Variants in LPCAT2 observed in about 807,000 individuals in gnomAD.
The protein encoded by LPCAT2 is lysophosphatidylcholine acyltransferase 2, also known as 1-AGP acyltransferase 11.
Under a neutral mutation model 64.7 loss-of-function variants are expected in LPCAT2, and 58 were observed. The observed-to-expected ratio is 0.90, with a 90% CI of 0.73 to 1.12. The LOEUF is 1.12. Among genes scored for constraint, LPCAT2 ranks in the 50% most tolerant of loss-of-function variants. LPCAT2 has a pLI of 0.00. For missense variants in LPCAT2, 579 were observed against 669.8 expected, an observed-to-expected ratio of 0.86 and a Z score of 1.50; for synonymous variants, 252 against 245.3, an observed-to-expected ratio of 1.03 and a Z score of -0.26.
intron 4 of LPCAT2, among the ~76,000 whole-genome samples, chr16:55,530,496 G>C (rs837551): frequency 1.1e-4 from 17 of 150,972 alleles, no homozygotes; most frequent in African/African-American, 2.7e-4. Flanking sequence ...CGGGGGTGGG[G>C]GGGGGGTAAC....
intron 11 of LPCAT2, chr16:55,567,013 CACAGCT>C: frequency 6.2e-7 from 1 of 1,613,908 alleles, no homozygotes. Context: ...CAACAATTTA[CACAGCT>C]GGCTGGACCA....
In LPCAT2 at chr16:55,509,214, G is replaced by C. The variant is rs1486135159; in HGVS notation, c.33G>C (p.Ala11=). MSRCAQAAEV[A]ATVPGAGVGN... The stretch of plus-strand genomic sequence containing the variant: ...GGTGCGCCCAGGCGGCGGAAGTGGC[G>C]GCCACAGTGCCAGGTGCCGGCGTCG... The change falls in exon 1 of 14, where the codon GCG becomes GCC. Residue 11 remains alanine, a synonymous_variant. Transcript: ENST00000262134. 3.5e-6 allele frequency: 5 copies of C among 1,424,860 alleles called. No individual in the cohort carries two copies. The highest frequency in any genetic ancestry group is 3.7e-6 in the Non-Finnish European group (4 of 1,082,856). 88.3% of individuals were successfully genotyped at this position (1,424,860 alleles called of 1,614,324 possible). A position where few individuals can be genotyped will look rare whatever the true frequency, so the allele number is the denominator to read the frequency against.
intron 8 of LPCAT2, chr16:55,541,290 TG>T (rs1168136128): frequency 1.3e-5 from 2 of 152,126 alleles, no homozygotes; most frequent in Admixed American, 6.6e-5. Flanking sequence ...TAGAAAGGTT[TG>T]TTTTTTTAAT....
chr16:55,516,350 C>G (rs1963011499), intron 1 of LPCAT2, among the ~76,000 whole-genome samples: 1 of 152,218 alleles, frequency 6.6e-6, no homozygotes, highest in African/African-American at 2.4e-5. Context: ...AGCAGTCTTT[C>G]CACCTTGGCT....
intron 1 of LPCAT2, among the ~76,000 whole-genome samples, chr16:55,519,610 A>G (rs1963066066): frequency 6.6e-6 from 1 of 152,088 alleles, no homozygotes; most frequent in African/African-American, 2.4e-5. Flanking sequence ...AGGAATGAAG[A>G]GCACTGGAAA....
At chr16:55,533,406 G>GTTTTTTTTTTTTTTTTTTT (rs11335464) in intron 6 of LPCAT2, among the ~76,000 whole-genome samples, 1 of 96,444 alleles carries the variant, frequency 1.0e-5, no homozygotes, top group Non-Finnish European at 2.0e-5. Context: ...TGTTTTTCGG[G>GTTTTTTTTTTTTTTTTTTT]TTTTTTTTTT....
chr16:55,547,404 G>T (rs961126302), intron 9 of LPCAT2, among the ~76,000 whole-genome samples: 1 of 152,166 alleles, frequency 6.6e-6, no homozygotes, highest in African/African-American at 2.4e-5. Context: ...TCATGGTTTT[G>T]ATTATTAGGA....
intron 2 of LPCAT2, among the ~76,000 whole-genome samples, chr16:55,527,694 TA>T (rs1423473782): frequency 2.0e-5 from 3 of 152,154 alleles, no homozygotes; most frequent in African/African-American, 7.2e-5. Flanking sequence ...AACTAATCTA[TA>T]ATGGCAGAAT....
At chr16:55,557,554 G>A (rs1963591307) in intron 11 of LPCAT2, among the ~76,000 whole-genome samples, 1 of 152,150 alleles carries the variant, frequency 6.6e-6, no homozygotes, top group Non-Finnish European at 1.5e-5. Flanking sequence ...ATGGGAGGAA[G>A]GATGGGAAAG....
chr16:55,551,328 A>G, intron 11 of LPCAT2: 1 of 107,772 alleles, frequency 9.3e-6, no homozygotes, highest in African/African-American at 3.0e-5. Context: ...AAAATATCAT[A>G]TCATATCATA....
chr16:55,544,053 C>T (rs1262402522), intron 8 of LPCAT2, among the ~76,000 whole-genome samples: 8 of 152,222 alleles, frequency 5.3e-5, no homozygotes, highest in Non-Finnish European at 1.2e-4. Flanking sequence ...ATGATTGCAG[C>T]TGCTTCCAGA....
intron 1 of LPCAT2, among the ~76,000 whole-genome samples, chr16:55,519,078 A>G (rs1468547552): frequency 1.6e-5 from 2 of 121,588 alleles, no homozygotes; most frequent in East Asian, 4.3e-4. Context: ...AGAACTCACC[A>G]ATAAAAAGAT....
intron 1 of LPCAT2, among the ~76,000 whole-genome samples, chr16:55,510,902 A>C (rs1057110358): frequency 6.6e-6 from 1 of 152,190 alleles, no homozygotes; most frequent in Admixed American, 6.5e-5. Context: ...AATGTTGACA[A>C]ATATTTATAT....
intron 1 of LPCAT2, among the ~76,000 whole-genome samples, 165 bp downstream of exon 1, chr16:55,509,517 C>T (rs1292136541): frequency 1.4e-5 from 2 of 147,456 alleles, no homozygotes; most frequent in African/African-American, 5.1e-5. Context: ...AGGGAGGTGG[C>T]CTGAAGGGGG....
chr16:55,564,823 A>G (rs13332897), intron 11 of LPCAT2, among the ~76,000 whole-genome samples: 2,439 of 152,132 alleles, frequency 0.016, 60 homozygotes, highest in African/African-American at 0.054. Context: ...ACAGGCAGCC[A>G]AAGAAAAATA....
intron 7 of LPCAT2, among the ~76,000 whole-genome samples, chr16:55,537,344 T>G (rs533296445): frequency 1.3e-5 from 2 of 151,800 alleles, no homozygotes; most frequent in Admixed American, 6.6e-5. Flanking sequence ...TGAGCCGTGA[T>G]TATGCCACTG....
chr16:55,547,831 A>G (rs1448731228), intron 9 of LPCAT2, among the ~76,000 whole-genome samples: 1 of 151,930 alleles, frequency 6.6e-6, no homozygotes, highest in Non-Finnish European at 1.5e-5. Flanking sequence ...GCAATGGTGC[A>G]ATCTCGGCTC....
At chr16:55,578,206 A>G (rs1270284838) in intron 12 of LPCAT2, among the ~76,000 whole-genome samples, 1 of 152,184 alleles carries the variant, frequency 6.6e-6, no homozygotes, top group Non-Finnish European at 1.5e-5. Flanking sequence ...TGCATTCTCT[A>G]CAGATAAGCT....
In LPCAT2 at chr16:55,528,951, G is replaced by A. The variant is rs75218716; in HGVS notation, c.529+357G>A. ...ATGAAAACACAGGTATATGCTGTTT[G>A]ATGAATTTATCTTCAGGATATTAGG... On this transcript the variant is annotated intron_variant, in intron 3 of 13. Transcript: ENST00000262134. 9.5e-4 allele frequency among the ~76,000 whole-genome samples: 144 copies of A among 152,228 alleles called. 1 individual carries two copies. In the East Asian group the frequency reaches 0.025, roughly 26 times the overall value.
Sources: gnomAD v4.1 joint callset for allele counts (sites outside exome capture counted in the v4.1 genomes callset) on GRCh38, gnomAD v4.1.1 for gene constraint, MANE v1.5 for transcripts, NCBI Gene and HGNC (gene_info 2026-07-23, HGNC 2026-07-21) for gene names.